The following BCL11B variants were observed in gnomAD, a reference collection of about 807,000 sequenced individuals.
The protein encoded by BCL11B is BCL11 transcription factor B.
A neutral mutation model predicts 49.9 loss-of-function variants in BCL11B; 8 were observed. The ratio of observed to expected loss-of-function variants is 0.16; its 90% CI spans 0.09 to 0.29. BCL11B has a LOEUF of 0.29. BCL11B is among the 10% of genes least tolerant of loss of function. The pLI is 1.00. For synonymous variants in BCL11B, 739 were observed against 637.4 expected (o/e 1.16, Z -2.40); for missense variants, 1,006 against 1,351.0 (o/e 0.74, Z 4.00).
At chr14:99,179,473 T>TAAA (rs35703913) in intron 3 of BCL11B, among the ~76,000 whole-genome samples, 11 of 54,538 alleles carry the variant, frequency 2.0e-4, no homozygotes, top group South Asian at 1.2e-3. Context: ...GAATCCATCT[T>TAAA]AAAAAAAAAA....
rs1260489490 is a variant in BCL11B, at chr14:99,262,762, C to T, written c.59-4923G>A. Among the ~76,000 whole-genome samples the T allele has an allele frequency of 3.9e-5, 6 of 152,066 alleles. No individual in the cohort carries two copies. Among genetic ancestry groups the T allele is most frequent in the Admixed American group, 2.6e-4 (4 of 15,272 alleles). On this transcript the variant is annotated intron_variant, in intron 1 of 3. Transcript: ENST00000357195. This position sits in a 1 kb window ranked among gnomAD's most constrained non-coding sequence, Gnocchi z 4.2. ...GCTGGGACTCCAGGCGACACGGAAA[C>T]GCCACCACACGCACACTCGACGGAG...
Position 99,176,028 on chromosome 14 carries a change from C to T in BCL11B, c.808G>A (p.Gly270Arg), listed in dbSNP as rs1333476361. The change falls in exon 4 of 4, where the codon GGG (glycine) becomes AGG (arginine). Residue 270 changes from glycine to arginine, a missense_variant. By Grantham distance (125) the Gly-to-Arg change is moderately radical. Transcript: ENST00000357195. ...GGGGACTGCGCCACGGCCTCCGGCC[C>T]GAGCGGCGGCGGGATGGTGAGCCGC... is the stretch of plus-strand genomic sequence containing the variant. Reference protein sequence around the residue: ...TPRLTIPPPLGPEAVAQSPLM... With the variant: ...TPRLTIPPPLRPEAVAQSPLM... 4 of 1,579,288 alleles carry T rather than the reference C, an allele frequency of 2.5e-6. No individual in the cohort carries two copies. Among genetic ancestry groups the T allele is most frequent in the African/African-American group, 1.4e-5 (1 of 73,082 alleles).
intron 3 of BCL11B, among the ~76,000 whole-genome samples, chr14:99,186,838 T>G (rs1886868049): frequency 6.6e-6 from 1 of 152,174 alleles, no homozygotes; most frequent in African/African-American, 2.4e-5. Context: ...ATGTGAACCC[T>G]TCAGAGGACC....
intron 3 of BCL11B, among the ~76,000 whole-genome samples, chr14:99,180,902 C>T (rs1036932856): frequency 2.0e-5 from 3 of 152,110 alleles, no homozygotes; most frequent in Non-Finnish European, 4.4e-5. Flanking sequence ...GCTTGGGAAC[C>T]GACGTGCAGC....
Position 99,205,409 on chromosome 14 carries a change from C to T in BCL11B, c.640+25936G>A, listed in dbSNP as rs760025525. On this transcript the variant is annotated intron_variant, in intron 3 of 3. Transcript: ENST00000357195. The surrounding 1 kb of genome is among the most constrained non-coding windows in gnomAD (Gnocchi z 5.0). Reference sequence around the variant, plus strand: ...AAGTTTGACGGTTTGGGAAAATTCGCGGACTCTCCCAAAGCCTGCATCTCC... The same window carrying T: ...AAGTTTGACGGTTTGGGAAAATTCGTGGACTCTCCCAAAGCCTGCATCTCC... Among the ~76,000 whole-genome samples the T allele has an allele frequency of 1.3e-5, 2 of 152,134 alleles. No homozygotes were observed. Among genetic ancestry groups the T allele is most frequent in the African/African-American group, 2.4e-5 (1 of 41,428 alleles).
chr14:99,189,584 T>C (rs1467588916), intron 3 of BCL11B, among the ~76,000 whole-genome samples: 2 of 152,186 alleles, frequency 1.3e-5, no homozygotes, highest in Admixed American at 1.3e-4. Context: ...CACCCCAGCA[T>C]GGCGGCTACT....
chr14:99,222,397 C>G (rs1045822476), intron 3 of BCL11B, among the ~76,000 whole-genome samples: 19 of 152,148 alleles, frequency 1.2e-4, no homozygotes, highest in Non-Finnish European at 2.4e-4. Flanking sequence ...TTCATCATCC[C>G]CCAGCATCTC....
At chr14:99,207,756 C>T (rs570556726) in intron 3 of BCL11B, among the ~76,000 whole-genome samples, 3 of 152,270 alleles carry the variant, frequency 2.0e-5, no homozygotes, top group East Asian at 3.9e-4. Context: ...GCTTGCTGGG[C>T]AGAGTCTGGC....
chr14:99,197,098 C>T (rs1887199770), intron 3 of BCL11B, among the ~76,000 whole-genome samples: 1 of 152,196 alleles, frequency 6.6e-6, no homozygotes, highest in Non-Finnish European at 1.5e-5. Context: ...AACTGAGGCC[C>T]AACACCAGAC....
chr14:99,189,509 G>A (rs1886959838), intron 3 of BCL11B, among the ~76,000 whole-genome samples: 1 of 152,240 alleles, frequency 6.6e-6, no homozygotes, highest in Admixed American at 6.5e-5. Flanking sequence ...CAGTGTGCAG[G>A]AGAGAAACTA....
chr14:99,183,549 C>T (rs1326810279), intron 3 of BCL11B, among the ~76,000 whole-genome samples: 2 of 152,096 alleles, frequency 1.3e-5, no homozygotes, highest in Non-Finnish European at 2.9e-5. Flanking sequence ...GACACTTCGG[C>T]CAAGTTGCTG....
Position 99,185,306 on chromosome 14 carries a change from A to G in BCL11B, c.641-9111T>C, listed in dbSNP as rs983002212. On this transcript the variant is annotated intron_variant, in intron 3 of 3. Transcript: ENST00000357195. ...ACAAAAATTAGCTGGGCATGGTGGC[A>G]CGCACCTATAATCCCAGCTACTCAG... is the stretch of plus-strand genomic sequence containing the variant. Among the ~76,000 whole-genome samples, 22 of 152,182 alleles carry G rather than the reference A, an allele frequency of 1.4e-4. No homozygotes were observed. In the East Asian group the frequency reaches 4.1e-3, roughly 28 times the overall value.
intron 3 of BCL11B, among the ~76,000 whole-genome samples, chr14:99,216,165 A>C (rs147940352): frequency 1.6e-3 from 240 of 152,358 alleles, no homozygotes; most frequent in African/African-American, 5.4e-3. Context: ...AGAATAAAGC[A>C]GTAAAGTGTC....
Position 99,231,685 on chromosome 14 carries a change from G to A in BCL11B, c.428-128C>T. 1.0e-6 allele frequency: 1 copy of A among 979,736 alleles called. No individual in the cohort carries two copies. The highest frequency in any genetic ancestry group is 1.5e-6 in the Non-Finnish European group (1 of 663,070). 60.7% of individuals were successfully genotyped at this position (979,736 alleles called of 1,614,324 possible). A position where few individuals can be genotyped will look rare whatever the true frequency, so the allele number is the denominator to read the frequency against. ...CCTTCGGGGGTGGGAGGCCCCCGGG[G>A]TGCCAGGCCCTGCAGGGAAGGCAAT... On this transcript the variant is annotated intron_variant, in intron 2 of 3. Transcript: ENST00000357195. The surrounding 1 kb of genome is among the most constrained non-coding windows in gnomAD (Gnocchi z 8.1).
chr14:99,177,460 G>A lies in BCL11B; in HGVS notation c.641-1265C>T, dbSNP rs528529190. ...CCTCCTGCACCTGGGGGTGAAGCTC[G>A]CCGCTTTTCCAGTATGTACCTCTCC... is the stretch of plus-strand genomic sequence containing the variant. On this transcript the variant is annotated intron_variant, in intron 3 of 3. Transcript: ENST00000357195. Among the ~76,000 whole-genome samples the A allele has an allele frequency of 3.5e-4, 53 of 151,310 alleles. 1 individual carries two copies. Among genetic ancestry groups the A allele is most frequent in the Non-Finnish European group, 7.1e-4 (48 of 67,860 alleles).
chr14:99,239,860 G>C (rs1332435248), intron 2 of BCL11B, among the ~76,000 whole-genome samples: 1 of 152,164 alleles, frequency 6.6e-6, no homozygotes, highest in East Asian at 1.9e-4. Flanking sequence ...AACAGAAGGA[G>C]GAAGGCTGAG....
At chr14:99,210,613 C>T (rs533839375) in intron 3 of BCL11B, among the ~76,000 whole-genome samples, 63 of 152,298 alleles carry the variant, frequency 4.1e-4, no homozygotes, top group African/African-American at 1.5e-3. Context: ...AAGAAACTGA[C>T]TTCCCCAGCT....
intron 2 of BCL11B, among the ~76,000 whole-genome samples, chr14:99,243,918 TAAAAAAAAAAAAAAAAA>T (rs200999902): frequency 1.2e-4 from 16 of 128,172 alleles, no homozygotes; most frequent in Admixed American, 3.1e-4. Context: ...ACATTGCTCC[TAAAAAAAAAAAAAAAAA>T]AAAAAAAAAA....
intron 3 of BCL11B, among the ~76,000 whole-genome samples, chr14:99,225,144 G>A (rs753215634): frequency 2.0e-5 from 3 of 152,216 alleles, no homozygotes; most frequent in East Asian, 3.9e-4. Context: ...TCCACTGGGC[G>A]ACGAACTTCC....
Sources: gnomAD v4.1 joint callset for allele counts (sites outside exome capture counted in the v4.1 genomes callset) on GRCh38, gnomAD v4.1.1 for gene constraint, Gnocchi (gnomAD v3.1) non-coding constraint, MANE v1.5 for transcripts, NCBI Gene and HGNC (gene_info 2026-07-23, HGNC 2026-07-21) for gene names.